CDC16: variants seen among roughly 807,000 people sequenced by gnomAD.
CDC16 encodes cell division cycle protein 16 homolog.
A neutral mutation model predicts 87.0 loss-of-function variants in CDC16; 34 were observed. That is an observed-to-expected ratio of 0.39 (90% CI 0.30 to 0.52). The LOEUF (loss-of-function observed/expected upper bound fraction) is 0.52. CDC16 is among the 20% of genes least tolerant of loss of function. The pLI is 0.74. For missense variants in CDC16, 653 were observed against 751.9 expected (o/e 0.87, Z 1.54); for synonymous variants, 263 against 260.6 (o/e 1.01, Z -0.09).
intron 10 of CDC16, 45 bp from the exon 11 acceptor site, chr13:114,246,886 A>AT: frequency 8.5e-7 from 1 of 1,171,208 alleles, no homozygotes; most frequent in East Asian, 2.3e-5. Flanking sequence ...CCAATTAGAT[A>AT]TTCCAATTCC....
chr13:114,256,914 C>T (rs956422923), intron 12 of CDC16, among the ~76,000 whole-genome samples, 164 bp from the exon 13 acceptor site: 9 of 152,086 alleles, frequency 5.9e-5, no homozygotes, highest in African/African-American at 1.9e-4. Context: ...TAGTCCAAAG[C>T]CCATTAGGCA....
chr13:114,259,008 A>G (rs1332774203), intron 13 of CDC16, among the ~76,000 whole-genome samples: 2 of 151,944 alleles, frequency 1.3e-5, no homozygotes, highest in East Asian at 1.9e-4. Flanking sequence ...CTGAGGCACA[A>G]GAATCACTTA....
chr13:114,263,390 A>G (rs2082972173), intron 16 of CDC16, among the ~76,000 whole-genome samples: 1 of 152,218 alleles, frequency 6.6e-6, no homozygotes, highest in Admixed American at 6.5e-5. Context: ...CAGTCATCAC[A>G]AGGAAAGAAC....
At chr13:114,258,948 A>G (rs2082672494) in intron 13 of CDC16, among the ~76,000 whole-genome samples, 1 of 152,126 alleles carries the variant, frequency 6.6e-6, no homozygotes, top group African/African-American at 2.4e-5. Context: ...AAATACAGAA[A>G]TTAGCCAGGG....
intron 6 of CDC16, 29 bp from the exon 7 acceptor site, chr13:114,243,228 A>C (rs779284938): frequency 1.0e-6 from 1 of 962,986 alleles, no homozygotes; most frequent in Non-Finnish European, 1.7e-6. Context: ...TATTATGAGG[A>C]TATTCTTTTT....
At chr13:114,247,304 A>T in intron 11 of CDC16, 1 of 302,814 alleles carries the variant, frequency 3.3e-6, no homozygotes, top group Non-Finnish European at 6.1e-6. Flanking sequence ...CTGGGACTAC[A>T]GGCACCACCA....
intron 5 of CDC16, among the ~76,000 whole-genome samples, chr13:114,241,863 C>T (rs890045383): frequency 6.6e-6 from 1 of 152,068 alleles, no homozygotes; most frequent in African/African-American, 2.4e-5. Flanking sequence ...GCAGCCTAGG[C>T]AACATAGCAA....
chr13:114,259,385 C>A lies in CDC16; in HGVS notation c.1301C>A (p.Ala434Glu). 6.4e-7 allele frequency: 1 copy of A among 1,565,858 alleles called. No homozygotes were observed. Among genetic ancestry groups the A allele is most frequent in the African/African-American group, 1.4e-5 (1 of 71,642 alleles). ...WFLDALEKIK[A>E]IGNEVTVDKW... ...CTTGATGCTTTGGAAAAAATTAAAG[C>A]AATTGGGAACGAGGTATTCTTTGTA... Residue 434 changes from alanine to glutamate, a missense_variant, in exon 14 of 18, where the codon GCA becomes GAA. Physicochemically the swap from Ala to Glu is moderately radical, Grantham distance 107. Coordinates refer to ENST00000356221, the MANE Select transcript of CDC16 (RefSeq NM_001078645.3).
chr13:114,243,300 TGAA>T lies in CDC16; in HGVS notation c.589_591del (p.Glu197del). 6.3e-7 allele frequency: 1 copy of T among 1,596,412 alleles called. No individual in the cohort carries two copies. The highest frequency in any genetic ancestry group is 8.6e-7 in the Non-Finnish European group (1 of 1,164,306). On this transcript the variant is annotated inframe_deletion, in exon 7 of 18. Transcript: ENST00000356221. ...CACTACCCCTTAGCAAGCTGTGTAA[TGAA>T]GAACAGGAATTGCTGCGTTTTCTAT...
chr13:114,235,110 G>C lies in CDC16; in HGVS notation c.26G>C (p.Arg9Pro). 8.0e-7 allele frequency: 1 copy of C among 1,245,696 alleles called. No individual in the cohort carries two copies. The highest frequency in any genetic ancestry group is 1.0e-6 in the Non-Finnish European group (1 of 995,404). 77.2% of individuals were successfully genotyped at this position (1,245,696 alleles called of 1,614,324 possible). Residue 9 changes from arginine to proline, a missense_variant, in exon 1 of 18, where the codon CGC becomes CCC. Physicochemically the swap from Arg to Pro is moderately radical, Grantham distance 103. Coordinates refer to ENST00000356221, the MANE Select transcript of CDC16 (RefSeq NM_001078645.3). MNLERLRK[R>P]VRQYLDQQQY... ...ATGAACCTAGAGCGGCTGCGGAAGC[G>C]CGTCCGGCAGTACCTCGACCAGGTG...
intron 11 of CDC16, among the ~76,000 whole-genome samples, chr13:114,247,648 C>T (rs2081945676): frequency 6.6e-6 from 1 of 152,084 alleles, no homozygotes; most frequent in African/African-American, 2.4e-5. Context: ...GAGGTCAATG[C>T]AGGTGGATCA....
intron 14 of CDC16, 115 bp downstream of exon 14, chr13:114,259,513 A>G (rs1042627266): frequency 1.6e-5 from 9 of 574,376 alleles, no homozygotes; most frequent in Middle Eastern, 2.7e-4. Flanking sequence ...TGATATTTTC[A>G]TAACAAGCGG....
intron 9 of CDC16, 34 bp downstream of exon 9, chr13:114,245,003 G>C: frequency 8.0e-7 from 1 of 1,249,026 alleles, no homozygotes; most frequent in Non-Finnish European, 1.1e-6. Flanking sequence ...GTAATTCTTA[G>C]ACATAAAACA....
At chr13:114,260,159 G>A (rs17338200) in intron 14 of CDC16, among the ~76,000 whole-genome samples, 5,276 of 152,166 alleles carry the variant, frequency 0.035, 126 homozygotes, top group Non-Finnish European at 0.049. Context: ...TTCTCCCTTG[G>A]CTGTTAGCTC....
intron 6 of CDC16, among the ~76,000 whole-genome samples, chr13:114,243,007 T>C (rs1594571168): frequency 6.6e-6 from 1 of 152,126 alleles, no homozygotes; most frequent in Non-Finnish European, 1.5e-5. Context: ...CGGAGGCTGG[T>C]GGTTCTTAGG....
At chr13:114,244,831 C>A (rs957746771) in intron 8 of CDC16, 59 bp from the exon 9 acceptor site, 2 of 998,906 alleles carry the variant, frequency 2.0e-6, no homozygotes, top group Admixed American at 1.8e-5. Context: ...CATAGCCGAT[C>A]GTCGTGAGTG....
At chr13:114,271,651 AT>A (rs879291610) in intron 17 of CDC16, among the ~76,000 whole-genome samples, 84 of 143,496 alleles carry the variant, frequency 5.9e-4, no homozygotes, top group Middle Eastern at 3.5e-3. Flanking sequence ...ATTTTTTTGT[AT>A]TTTTTTTTTT....
chr13:114,240,577 CA>C (rs977593905), intron 5 of CDC16, among the ~76,000 whole-genome samples: 2 of 152,156 alleles, frequency 1.3e-5, no homozygotes, highest in African/African-American at 2.4e-5. Context: ...AGGATGGTCT[CA>C]AACTCCTGGG....
Position 114,244,922 on chromosome 13 carries a change from GT to G in CDC16, c.803del (p.Leu268TyrfsTer5). The G allele has an allele frequency of 6.2e-7, 1 of 1,611,388 alleles. No homozygotes were observed. The highest frequency in any genetic ancestry group is 8.5e-7 in the Non-Finnish European group (1 of 1,178,274). ...VMEKDPFHAS[C>X]LPVHIGTLVE... The stretch of plus-strand genomic sequence containing the variant: ...GAGAAAGATCCTTTCCATGCAAGTT[GT>G]TTACCTGTACATATAGGGACGCTTG... On this transcript the variant is annotated frameshift_variant, in exon 9 of 18. Coordinates refer to ENST00000356221, the MANE Select transcript of CDC16 (RefSeq NM_001078645.3). LOFTEE classifies it high-confidence loss of function.
Sources: gnomAD v4.1 joint callset for allele counts (sites outside exome capture counted in the v4.1 genomes callset) on GRCh38, gnomAD v4.1.1 for gene constraint, MANE v1.5 for transcripts, NCBI Gene and HGNC (gene_info 2026-07-23, HGNC 2026-07-21) for gene names.